PRKCH: variants seen among roughly 807,000 people sequenced by gnomAD.
PRKCH encodes the protein protein kinase C eta type.
A neutral mutation model predicts 82.5 loss-of-function variants in PRKCH; 28 were observed. The observed-to-expected ratio is 0.34, with a 90% CI of 0.25 to 0.47. The LOEUF (loss-of-function observed/expected upper bound fraction) is 0.47, where lower values mean the gene tolerates loss of function less well. Ranked by LOEUF, PRKCH falls within the 20% of genes least tolerant of loss-of-function variation. The pLI is 1.00. For synonymous variants in PRKCH, 322 were observed against 327.4 expected (o/e 0.98, Z 0.18); for missense variants, 705 against 881.8 (o/e 0.80, Z 2.54).
intron 7 of PRKCH, among the ~76,000 whole-genome samples, chr14:61,455,532 G>A (rs116613977): frequency 0.014 from 2,098 of 152,224 alleles, 52 homozygotes; most frequent in African/African-American, 0.048. Flanking sequence ...GTGGGTAGGC[G>A]GGCAGGATGC....
chr14:61,363,201 A>G (rs1186926852), intron 1 of PRKCH, among the ~76,000 whole-genome samples: 2 of 152,214 alleles, frequency 1.3e-5, no homozygotes, highest in Non-Finnish European at 2.9e-5. Context: ...CAGCCATGAA[A>G]AGCCAAGTAT....
At chr14:61,281,702 C>G in intron 1 of PRKCH, 1 of 167,126 alleles carries the variant, frequency 6.0e-6, no homozygotes, top group Non-Finnish European at 1.5e-5. Context: ...GATTTCAGAT[C>G]CTTAATCCTC....
intron 1 of PRKCH, among the ~76,000 whole-genome samples, chr14:61,275,194 A>G (rs2045190995): frequency 6.6e-6 from 1 of 152,252 alleles, no homozygotes; most frequent in African/African-American, 2.4e-5. Flanking sequence ...TGCCTCATCC[A>G]GAAGTTATGC....
chr14:61,202,666 G>A (rs1394624648), intron 1 of PRKCH, among the ~76,000 whole-genome samples: 1 of 151,978 alleles, frequency 6.6e-6, no homozygotes, highest in African/African-American at 2.4e-5. Context: ...CATCACAATA[G>A]CCAAGTGAGG....
intron 1 of PRKCH, among the ~76,000 whole-genome samples, chr14:61,201,391 T>C (rs1158236101): frequency 6.6e-6 from 1 of 152,228 alleles, no homozygotes; most frequent in Non-Finnish European, 1.5e-5. Flanking sequence ...CATGATTTAC[T>C]TCTATGATAT....
intron 10 of PRKCH, among the ~76,000 whole-genome samples, chr14:61,493,709 T>G (rs1206774822): frequency 6.6e-6 from 1 of 151,980 alleles, no homozygotes; most frequent in Non-Finnish European, 1.5e-5. Flanking sequence ...ATATTTTACT[T>G]TTACGTGCGG....
chr14:61,371,583 G>A (rs2046364552), intron 1 of PRKCH, among the ~76,000 whole-genome samples: 1 of 152,134 alleles, frequency 6.6e-6, no homozygotes, highest in African/African-American at 2.4e-5. Flanking sequence ...AGACCACACA[G>A]GCAGGCATAG....
intron 1 of PRKCH, among the ~76,000 whole-genome samples, chr14:61,242,573 T>A (rs1173556910): frequency 2.6e-5 from 4 of 152,110 alleles, no homozygotes; most frequent in African/African-American, 9.7e-5. Context: ...AGTTTTTGTA[T>A]TTTTTGGAGA....
chr14:61,188,567 T>A, intron 1 of PRKCH, among the ~76,000 whole-genome samples: 1 of 111,530 alleles, frequency 9.0e-6, no homozygotes, highest in Non-Finnish European at 2.0e-5. Context: ...CCCCCAGACG[T>A]TGCTGTAGTG....
intron 1 of PRKCH, among the ~76,000 whole-genome samples, chr14:61,377,678 T>G (rs754065683): frequency 6.6e-6 from 1 of 152,232 alleles, no homozygotes; most frequent in Non-Finnish European, 1.5e-5. Context: ...GCAGCTGGCA[T>G]TGGCCTTTGG....
chr14:61,537,663 C>CGGCA (rs2140020976), intron 12 of PRKCH: 1 of 152,274 alleles, frequency 6.6e-6, no homozygotes, highest in South Asian at 2.1e-4. Flanking sequence ...CAGGTGAAGT[C>CGGCA]GGCACCCTTG....
intron 10 of PRKCH, among the ~76,000 whole-genome samples, chr14:61,521,799 C>T (rs1008439466): frequency 2.0e-5 from 3 of 152,262 alleles, no homozygotes; most frequent in South Asian, 2.1e-4. Context: ...GGGCCCCACT[C>T]TCTAGGCACA....
chr14:61,497,103 A>G (rs765785790), intron 10 of PRKCH, among the ~76,000 whole-genome samples: 3 of 152,168 alleles, frequency 2.0e-5, no homozygotes, highest in Non-Finnish European at 4.4e-5. Context: ...TTTGGATCTG[A>G]CTTCGATTCT....
intron 2 of PRKCH, among the ~76,000 whole-genome samples, chr14:61,402,682 C>T (rs547014639): frequency 9.9e-5 from 15 of 152,030 alleles, no homozygotes; most frequent in African/African-American, 3.6e-4. Context: ...GCCTGTAATC[C>T]CAGCTACTCG....
At chr14:61,453,411 G>T (rs1263043406) in intron 7 of PRKCH, 58 bp downstream of exon 7, 2 of 1,570,074 alleles carry the variant, frequency 1.3e-6, no homozygotes, top group East Asian at 2.3e-5. Context: ...GATGTGATGA[G>T]CCCAAATGAG....
chr14:61,505,702 C>T (rs1309671619), intron 10 of PRKCH, among the ~76,000 whole-genome samples: 1 of 152,038 alleles, frequency 6.6e-6, no homozygotes, highest in Non-Finnish European at 1.5e-5. Context: ...GCGCTAATCC[C>T]ATTCACAAGG....
chr14:61,454,811 C>T (rs1165484199), intron 7 of PRKCH, among the ~76,000 whole-genome samples: 1 of 152,140 alleles, frequency 6.6e-6, no homozygotes, highest in Non-Finnish European at 1.5e-5. Context: ...CCTTCCTGGT[C>T]AGCGTCTAGA....
chr14:61,413,381 C>A (rs1385749471), intron 2 of PRKCH, among the ~76,000 whole-genome samples: 3 of 141,942 alleles, frequency 2.1e-5, no homozygotes, highest in African/African-American at 2.6e-5. Context: ...GTGATGACAA[C>A]CTTCATCATT....
chr14:61,457,226 A>G lies in PRKCH; in HGVS notation c.1011A>G (p.Lys337=), dbSNP rs1594727215. The change falls in exon 8 of 14, where the codon AAA becomes AAG. Residue 337 remains lysine, a synonymous_variant. Coordinates refer to ENST00000332981, the MANE Select transcript of PRKCH (RefSeq NM_006255.5). ...GACGACAGGGAAAGGAGAGCAGCAA[A>G]GAAGGAAATGGGATTGGGGTTAATT... ...TLRRQGKESS[K]EGNGIGVNSS... is the part of the protein sequence containing the mutation. The G allele has an allele frequency of 6.2e-7, 1 of 1,614,210 alleles. No individual in the cohort carries two copies.
Sources: allele counts gnomAD v4.1 joint callset (sites outside exome capture counted in the v4.1 genomes callset), GRCh38; gene constraint gnomAD v4.1.1; transcripts MANE v1.5; gene names NCBI Gene and HGNC (gene_info 2026-07-23, HGNC 2026-07-21).